The following ELOVL7 variants were observed in gnomAD, a reference collection of about 807,000 sequenced individuals.
ELOVL7 encodes ELOVL fatty acid elongase 7.
In ELOVL7, 27 loss-of-function variants were observed where a neutral mutation model predicts 35.7. The observed-to-expected ratio is 0.76, with a 90% CI of 0.56 to 1.04. The LOEUF (loss-of-function observed/expected upper bound fraction) is 1.04. ELOVL7 is among the 50% of genes least tolerant of loss of function. ELOVL7 has a pLI of 0.00. For missense variants in ELOVL7, 327 were observed against 340.8 expected, an observed-to-expected ratio of 0.96 and a Z score of 0.32; for synonymous variants, 113 against 114.6, an observed-to-expected ratio of 0.99 and a Z score of 0.09.
chr5:60,810,303 C>A (rs1271877903), intron 1 of ELOVL7, among the ~76,000 whole-genome samples: 2 of 152,214 alleles, frequency 1.3e-5, no homozygotes, highest in Non-Finnish European at 2.9e-5. Context: ...TAACACACAC[C>A]TTCATTTCCC....
At position 60,841,325 on chromosome 5, in the gene ELOVL7, C is replaced by T. The variant is rs968805306; in HGVS notation, c.-86+2835G>A. ...ACAGGGGCGAACCACTGTGCCCAGC[C>T]TGAGAATACTAAAATACTATATGGA... On this transcript the variant is annotated intron_variant, in intron 1 of 8. Coordinates refer to ENST00000508821, the MANE Select transcript of ELOVL7 (RefSeq NM_024930.3). Among the ~76,000 whole-genome samples the T allele has an allele frequency of 7.9e-5, 12 of 151,998 alleles. No homozygotes were observed. The East Asian group carries it at 2.1e-3, about 27-fold the overall frequency.
intron 3 of ELOVL7, among the ~76,000 whole-genome samples, chr5:60,780,780 G>C (rs1743201359): frequency 6.6e-6 from 1 of 152,150 alleles, no homozygotes; most frequent in Non-Finnish European, 1.5e-5. Context: ...AGAAGAGCAT[G>C]GGGGAACTGC....
chr5:60,788,260 C>T lies in ELOVL7; in HGVS notation c.-34-829G>A, dbSNP rs912592968. Among the ~76,000 whole-genome samples, 9 of 151,950 alleles carry T rather than the reference C, an allele frequency of 5.9e-5. No homozygotes were observed. In the East Asian group the frequency reaches 1.5e-3, roughly 26 times the overall value. On this transcript the variant is annotated intron_variant, in intron 2 of 8. Transcript: ENST00000508821. ...TAACATCTGTAAAATCAGGACTCAC[C>T]TTCCAAATGAATGGTATGCCATAAA...
At chr5:60,804,155 G>A (rs557148959) in intron 1 of ELOVL7, among the ~76,000 whole-genome samples, 2 of 152,264 alleles carry the variant, frequency 1.3e-5, no homozygotes, top group South Asian at 4.2e-4. Flanking sequence ...CAATGATATA[G>A]CAACAGGCCC....
Position 60,751,795 on chromosome 5 carries a change from T to A in ELOVL7, c.*2829A>T, listed in dbSNP as rs1478451128. The A allele has an allele frequency of 6.6e-6, 1 of 152,280 alleles. No homozygotes were observed. Among genetic ancestry groups the A allele is most frequent in the East Asian group, 1.9e-4 (1 of 5,182 alleles). 9.4% of individuals were successfully genotyped at this position (152,280 alleles called of 1,614,324 possible). ...AATGAAAAATATACACACGTATACA[T>A]GCAATACCACAAATTTATTATAATA... On this transcript the variant is annotated 3_prime_UTR_variant, in exon 9 of 9. Coordinates refer to ENST00000508821, the MANE Select transcript of ELOVL7 (RefSeq NM_024930.3).
At chr5:60,820,901 G>T (rs147694794) in intron 1 of ELOVL7, among the ~76,000 whole-genome samples, 1 of 152,096 alleles carries the variant, frequency 6.6e-6, no homozygotes, top group Non-Finnish European at 1.5e-5. Context: ...AGAAGGAAGT[G>T]AACTAATAAG....
intron 3 of ELOVL7, among the ~76,000 whole-genome samples, chr5:60,777,075 G>A (rs1378634338): frequency 1.3e-5 from 2 of 151,148 alleles, no homozygotes; most frequent in Admixed American, 1.3e-4. Context: ...TAGAGTAGAA[G>A]GGTGGTTGCC....
At chr5:60,765,478 C>T (rs922788307) in intron 6 of ELOVL7, among the ~76,000 whole-genome samples, 2 of 152,148 alleles carry the variant, frequency 1.3e-5, no homozygotes, top group Non-Finnish European at 1.5e-5. Flanking sequence ...TTTTTGTCGT[C>T]GTTGTTTTCC....
At chr5:60,776,306 TG>T (rs1360239764) in intron 3 of ELOVL7, among the ~76,000 whole-genome samples, 1 of 152,204 alleles carries the variant, frequency 6.6e-6, no homozygotes, top group Non-Finnish European at 1.5e-5. Context: ...TCAGCCATTG[TG>T]GAAAGCAGTT....
intron 1 of ELOVL7, among the ~76,000 whole-genome samples, chr5:60,815,788 A>AT (rs1304163833): frequency 6.6e-6 from 1 of 152,110 alleles, no homozygotes; most frequent in East Asian, 1.9e-4. Flanking sequence ...TTTAATATTT[A>AT]TTTTAAAAAT....
intron 1 of ELOVL7, among the ~76,000 whole-genome samples, chr5:60,816,289 T>C (rs535681177): frequency 3.3e-4 from 50 of 151,590 alleles, no homozygotes; most frequent in Middle Eastern, 6.8e-3. Flanking sequence ...GATAGGAGAA[T>C]TGCTACCAGG....
intron 1 of ELOVL7, among the ~76,000 whole-genome samples, chr5:60,830,319 T>C (rs1746407140): frequency 6.6e-6 from 1 of 152,118 alleles, no homozygotes; most frequent in Admixed American, 6.5e-5. Context: ...AGACAAATAG[T>C]GGCAAAAGTG....
At chr5:60,824,808 C>T (rs1256816907) in intron 1 of ELOVL7, among the ~76,000 whole-genome samples, 1 of 152,188 alleles carries the variant, frequency 6.6e-6, no homozygotes, top group African/African-American at 2.4e-5. Flanking sequence ...AAAACAAAAA[C>T]TCAAGTCATG....
chr5:60,843,079 G>C (rs113199963), intron 1 of ELOVL7, among the ~76,000 whole-genome samples: 85 of 152,290 alleles, frequency 5.6e-4, no homozygotes, highest in African/African-American at 2.0e-3. Flanking sequence ...CAATAAAAGT[G>C]AGGAATGAAA....
At chr5:60,796,085 G>A (rs1327055662) in intron 2 of ELOVL7, among the ~76,000 whole-genome samples, 3 of 152,172 alleles carry the variant, frequency 2.0e-5, no homozygotes, top group Non-Finnish European at 4.4e-5. Context: ...TCTTTGGCAG[G>A]AAAAATCCCT....
At chr5:60,790,323 G>T (rs1743858281) in intron 2 of ELOVL7, among the ~76,000 whole-genome samples, 1 of 152,082 alleles carries the variant, frequency 6.6e-6, no homozygotes, top group African/African-American at 2.4e-5. Flanking sequence ...ATGGAAGAAA[G>T]ATTTTATACT....
At chr5:60,774,617 T>C (rs1468035389) in intron 3 of ELOVL7, among the ~76,000 whole-genome samples, 1 of 152,002 alleles carries the variant, frequency 6.6e-6, no homozygotes, top group African/African-American at 2.4e-5. Flanking sequence ...CTATTCAACA[T>C]AGTACTAGAA....
intron 1 of ELOVL7, among the ~76,000 whole-genome samples, chr5:60,834,710 G>C (rs1181828063): frequency 6.6e-6 from 1 of 152,126 alleles, no homozygotes; most frequent in Non-Finnish European, 1.5e-5. Flanking sequence ...TGAAGGTTCT[G>C]ACTACTTACT....
chr5:60,813,907 G>A (rs747829477), intron 1 of ELOVL7, among the ~76,000 whole-genome samples: 5 of 152,058 alleles, frequency 3.3e-5, no homozygotes, highest in Admixed American at 6.5e-5. Context: ...AACAAAATAC[G>A]AAGGTCTCCC....
Sources: allele counts gnomAD v4.1 joint callset (sites outside exome capture counted in the v4.1 genomes callset), GRCh38; gene constraint gnomAD v4.1.1; transcripts MANE v1.5; gene names NCBI Gene and HGNC (gene_info 2026-07-23, HGNC 2026-07-21).